The following KCNN2 variants were observed in gnomAD, a reference collection of about 807,000 sequenced individuals.
The protein encoded by KCNN2 is potassium calcium-activated channel subfamily N member 2.
KCNN2 carries 24 observed loss-of-function variants against 55.5 expected under a neutral mutation model. That is an observed-to-expected ratio of 0.43 (90% CI 0.31 to 0.61). The LOEUF is 0.61. Ranked by LOEUF, KCNN2 falls within the 20% of genes least tolerant of loss-of-function variation. KCNN2 has a pLI of 0.08. For synonymous variants in KCNN2, 431 were observed against 336.1 expected (o/e 1.28, Z -3.09); for missense variants, 754 against 853.6 (o/e 0.88, Z 1.45).
intron 2 of KCNN2, among the ~76,000 whole-genome samples, chr5:114,343,442 C>T (rs1757052977): frequency 6.6e-6 from 1 of 152,084 alleles, no homozygotes; most frequent in South Asian, 2.1e-4. Context: ...CTGAATACAT[C>T]TTTCAACTGT....
In KCNN2 at chr5:114,082,677, C is replaced by A. The variant is rs73260404; in HGVS notation, c.-271+26177C>A. ...TAAAATGAGGAAGCAACCTAAGTAA[C>A]CATCAGCAGATGAATGGGTAAACAA... On this transcript the variant is annotated intron_variant, in intron 1 of 10. Transcript: ENST00000512097. 3.8e-3 allele frequency among the ~76,000 whole-genome samples: 571 copies of A among 152,266 alleles called. 4 individuals carry two copies. Among genetic ancestry groups the A allele is most frequent in the African/African-American group, 0.012 (510 of 41,550 alleles).
At chr5:114,296,835 C>A (rs1485430397) in intron 2 of KCNN2, among the ~76,000 whole-genome samples, 1 of 152,090 alleles carries the variant, frequency 6.6e-6, no homozygotes, top group Admixed American at 6.6e-5. Flanking sequence ...TAAAATGTGA[C>A]AATATATATT....
intron 1 of KCNN2, among the ~76,000 whole-genome samples, chr5:114,208,171 A>C (rs2112579165): frequency 6.6e-6 from 1 of 152,334 alleles, no homozygotes; most frequent in South Asian, 2.1e-4. Context: ...CAGAAAGTCA[A>C]GCATATATAC....
intron 1 of KCNN2, among the ~76,000 whole-genome samples, chr5:114,060,111 A>T (rs1750295093): frequency 6.6e-6 from 1 of 152,234 alleles, no homozygotes; most frequent in Admixed American, 6.5e-5. Flanking sequence ...TTGCTAAGGC[A>T]TTCCCATACC....
intron 1 of KCNN2, among the ~76,000 whole-genome samples, chr5:114,177,605 C>T (rs1174235507): frequency 6.9e-6 from 1 of 144,830 alleles, no homozygotes; most frequent in African/African-American, 2.6e-5. Context: ...TGAAATACAC[C>T]ATACAAAACA....
At chr5:114,302,388 T>C (rs574998295) in intron 2 of KCNN2, among the ~76,000 whole-genome samples, 2 of 152,250 alleles carry the variant, frequency 1.3e-5, no homozygotes, top group East Asian at 3.9e-4. Context: ...TTGTATTAGA[T>C]AGATGCTACT....
chr5:114,193,947 A>G (rs1265747378), intron 1 of KCNN2, among the ~76,000 whole-genome samples: 2 of 152,168 alleles, frequency 1.3e-5, no homozygotes, highest in Admixed American at 6.5e-5. Context: ...AATTATATCC[A>G]TAAGATTGTG....
At chr5:114,283,561 T>C (rs574703845) in intron 2 of KCNN2, among the ~76,000 whole-genome samples, 2 of 152,340 alleles carry the variant, frequency 1.3e-5, no homozygotes, top group Admixed American at 6.5e-5. Context: ...GTACTGATTT[T>C]GACTATTGTC....
chr5:114,463,917 G>C (rs988177476), intron 4 of KCNN2, among the ~76,000 whole-genome samples: 1 of 152,130 alleles, frequency 6.6e-6, no homozygotes, highest in Non-Finnish European at 1.5e-5. Context: ...AGAGGAAATG[G>C]TGTATTTGAA....
intron 2 of KCNN2, among the ~76,000 whole-genome samples, chr5:114,333,009 C>T (rs1351819685): frequency 6.6e-6 from 1 of 152,152 alleles, no homozygotes; most frequent in East Asian, 1.9e-4. Flanking sequence ...TCACAATAAT[C>T]TAGGCCTTGT....
intron 1 of KCNN2, among the ~76,000 whole-genome samples, chr5:114,192,585 C>T (rs12110045): frequency 0.03 from 4,522 of 152,134 alleles, 234 homozygotes; most frequent in African/African-American, 0.1. Flanking sequence ...CCTTATGCTT[C>T]TGAGAGGTTC....
At chr5:114,396,575 G>A in intron 2 of KCNN2, among the ~76,000 whole-genome samples, 1 of 147,422 alleles carries the variant, frequency 6.8e-6, no homozygotes. Flanking sequence ...TTGAGATGGA[G>A]TCTTGCTCTG....
chr5:114,097,548 T>C (rs1371417366), intron 1 of KCNN2, among the ~76,000 whole-genome samples: 1 of 152,138 alleles, frequency 6.6e-6, no homozygotes, highest in Non-Finnish European at 1.5e-5. Context: ...AGTGTCAAAA[T>C]ATTAAAATGC....
intron 1 of KCNN2, among the ~76,000 whole-genome samples, chr5:114,104,342 TTCTA>T (rs776827957): frequency 1.6e-4 from 25 of 152,052 alleles, no homozygotes; most frequent in Non-Finnish European, 2.4e-4. Context: ...CTGGCTAGTG[TTCTA>T]TCTATTTTGT....
At chr5:114,411,758 A>C (rs1759142327) in intron 3 of KCNN2, among the ~76,000 whole-genome samples, 1 of 152,106 alleles carries the variant, frequency 6.6e-6, no homozygotes, top group Non-Finnish European at 1.5e-5. Context: ...ACCCACGTTG[A>C]GGGTGGATCT....
At chr5:114,284,883 C>T (rs1000824319) in intron 2 of KCNN2, among the ~76,000 whole-genome samples, 1 of 151,964 alleles carries the variant, frequency 6.6e-6, no homozygotes, top group African/African-American at 2.4e-5. Flanking sequence ...CTGTGTGTAC[C>T]AGATGAAAAC....
chr5:114,341,802 G>C (rs2150036712), intron 2 of KCNN2, among the ~76,000 whole-genome samples: 1 of 152,120 alleles, frequency 6.6e-6, no homozygotes, highest in East Asian at 1.9e-4. Flanking sequence ...AAATTATGAA[G>C]TGTAAAGAAC....
intron 2 of KCNN2, among the ~76,000 whole-genome samples, chr5:114,295,496 T>C (rs1018693394): frequency 1.3e-5 from 2 of 152,166 alleles, no homozygotes; most frequent in Non-Finnish European, 2.9e-5. Flanking sequence ...CATGGGACCC[T>C]CCGAGCCATG....
chr5:114,479,561 T>C (rs1478995751), intron 5 of KCNN2, among the ~76,000 whole-genome samples: 7 of 151,810 alleles, frequency 4.6e-5, no homozygotes. Flanking sequence ...GTGGACCTGA[T>C]AGCAACAGAA....
Sources: allele counts gnomAD v4.1 joint callset (sites outside exome capture counted in the v4.1 genomes callset), GRCh38; gene constraint gnomAD v4.1.1; transcripts MANE v1.5; gene names NCBI Gene and HGNC (gene_info 2026-07-23, HGNC 2026-07-21).